The following SORCS3 variants were observed in gnomAD, a reference collection of about 807,000 sequenced individuals.
The protein encoded by SORCS3 is VPS10 domain-containing receptor SorCS3.
Under a neutral mutation model 146.3 loss-of-function variants are expected in SORCS3, and 57 were observed. That is an observed-to-expected ratio of 0.39 (90% CI 0.31 to 0.49). The LOEUF is 0.49. SORCS3 is among the 20% of genes least tolerant of loss of function. The probability of loss-of-function intolerance (pLI) is 0.92; values close to 1 mark genes in which losing one functional copy is unlikely to be tolerated. For missense variants in SORCS3, 1,341 were observed against 1,575.5 expected (o/e 0.85, Z 2.52); for synonymous variants, 653 against 618.5 (o/e 1.06, Z -0.83).
At chr10:104,973,808 T>C (rs576638543) in intron 3 of SORCS3, among the ~76,000 whole-genome samples, 44 of 146,486 alleles carry the variant, frequency 3.0e-4, no homozygotes, top group South Asian at 2.1e-4. Flanking sequence ...TTTTGGATCT[T>C]TCCTGCTTTC....
At chr10:105,002,373 T>G (rs1474732555) in intron 4 of SORCS3, among the ~76,000 whole-genome samples, 1 of 152,202 alleles carries the variant, frequency 6.6e-6, no homozygotes, top group Non-Finnish European at 1.5e-5. Flanking sequence ...TAACCTTTTA[T>G]TGAAGACTGA....
chr10:105,118,452 C>CT (rs1290597824), intron 7 of SORCS3, among the ~76,000 whole-genome samples: 1 of 152,060 alleles, frequency 6.6e-6, no homozygotes, highest in African/African-American at 2.4e-5. Context: ...TGAGAACAGA[C>CT]TAATATAGTA....
chr10:105,100,044 G>A (rs1044087603), intron 6 of SORCS3, among the ~76,000 whole-genome samples: 4 of 152,294 alleles, frequency 2.6e-5, no homozygotes, highest in South Asian at 2.1e-4. Context: ...TTGGTCCCAC[G>A]TCTGTATGGT....
At chr10:104,978,104 T>A (rs1216308382) in intron 4 of SORCS3, among the ~76,000 whole-genome samples, 1 of 152,218 alleles carries the variant, frequency 6.6e-6, no homozygotes. Flanking sequence ...AAGTAGGACA[T>A]ACATAATATT....
chr10:104,784,642 G>C (rs1378178212), intron 1 of SORCS3, among the ~76,000 whole-genome samples: 1 of 152,230 alleles, frequency 6.6e-6, no homozygotes, highest in Non-Finnish European at 1.5e-5. Flanking sequence ...TGACTCTGCA[G>C]GATGTGGGCT....
chr10:105,135,559 C>A (rs190859886), intron 7 of SORCS3, among the ~76,000 whole-genome samples: 1 of 152,262 alleles, frequency 6.6e-6, no homozygotes, highest in East Asian at 1.9e-4. Flanking sequence ...TGAGAATTTT[C>A]CAAATCTTTA....
At chr10:104,673,680 G>A (rs78911933) in intron 1 of SORCS3, among the ~76,000 whole-genome samples, 13,817 of 152,046 alleles carry the variant, frequency 0.091, 780 homozygotes, top group Non-Finnish European at 0.13. Context: ...TCAAATTCCT[G>A]GGCTCAAGCA....
chr10:105,038,653 C>T lies in SORCS3; in HGVS notation c.955-4402C>T, dbSNP rs181613239. 3.1e-3 allele frequency among the ~76,000 whole-genome samples: 473 copies of T among 152,034 alleles called. 3 individuals are homozygous for T. Among genetic ancestry groups the T allele is most frequent in the African/African-American group, 0.011 (445 of 41,482 alleles). On this transcript the variant is annotated intron_variant, in intron 4 of 26. Coordinates refer to ENST00000369701, the MANE Select transcript of SORCS3 (RefSeq NM_014978.3). ...AAACTTCAAAAATATATAAATTACC[C>T]GTAATCTCACAATTCAGAGGCGACC... is the stretch of plus-strand genomic sequence containing the variant.
At chr10:105,003,801 G>A (rs1446255751) in intron 4 of SORCS3, among the ~76,000 whole-genome samples, 1 of 152,008 alleles carries the variant, frequency 6.6e-6, no homozygotes, top group African/African-American at 2.4e-5. Flanking sequence ...CTTTGAAAAT[G>A]TTTATGCCAA....
At position 104,879,627 on chromosome 10, in the gene SORCS3, C is replaced by A. The variant is rs142558014; in HGVS notation, c.696-36206C>A. Among the ~76,000 whole-genome samples, 636 of 152,278 alleles carry A rather than the reference C, an allele frequency of 4.2e-3. 2 individuals are homozygous for A. Among genetic ancestry groups the A allele is most frequent in the Non-Finnish European group, 7.5e-3 (508 of 68,014 alleles). On this transcript the variant is annotated intron_variant, in intron 2 of 26. Coordinates refer to ENST00000369701, the MANE Select transcript of SORCS3 (RefSeq NM_014978.3). ...TAATGAAAAAGATGGTGGGGCTAGTCATTATGAGCCCATTGACTGCCTTTG... is the reference window on the plus strand; with the variant it reads ...TAATGAAAAAGATGGTGGGGCTAGTAATTATGAGCCCATTGACTGCCTTTG...
At chr10:105,066,387 G>A (rs1248954315) in intron 5 of SORCS3, among the ~76,000 whole-genome samples, 3 of 152,142 alleles carry the variant, frequency 2.0e-5, no homozygotes, top group Non-Finnish European at 4.4e-5. Flanking sequence ...AAAGATCTGG[G>A]TTTAGAGGTT....
chr10:104,964,508 T>C (rs1213829615), intron 3 of SORCS3, among the ~76,000 whole-genome samples: 1 of 152,196 alleles, frequency 6.6e-6, no homozygotes, highest in African/African-American at 2.4e-5. Flanking sequence ...GAATGTAAGC[T>C]CTATGAGGGA....
intron 25 of SORCS3, among the ~76,000 whole-genome samples, chr10:105,258,811 A>G (rs1182146930): frequency 6.6e-6 from 1 of 152,200 alleles, no homozygotes; most frequent in Non-Finnish European, 1.5e-5. Flanking sequence ...TGTCCCTGAC[A>G]GTGAGTCATG....
At chr10:105,130,468 G>T (rs572962648) in intron 7 of SORCS3, among the ~76,000 whole-genome samples, 1 of 152,192 alleles carries the variant, frequency 6.6e-6, no homozygotes, top group Admixed American at 6.5e-5. Flanking sequence ...AGGCAGTGAA[G>T]GGTACAAGAA....
chr10:104,727,358 T>C (rs959252264), intron 1 of SORCS3, among the ~76,000 whole-genome samples: 1 of 152,182 alleles, frequency 6.6e-6, no homozygotes, highest in African/African-American at 2.4e-5. Context: ...ATATCTCTTG[T>C]AAACCCACTA....
chr10:105,206,894 T>TTC lies in SORCS3; in HGVS notation c.2262-4243_2262-4242insTC, dbSNP rs1470026975. On this transcript the variant is annotated intron_variant, in intron 16 of 26. Transcript: ENST00000369701. The stretch of plus-strand genomic sequence containing the variant: ...TGAAGTGGAACAGGGTGCCTGTAGA[T>TTC]CACTAGTACTGGAATCTCAACTGGC... 3.9e-5 allele frequency among the ~76,000 whole-genome samples: 6 copies of TTC among 152,050 alleles called. No homozygotes were observed. In the East Asian group the frequency reaches 1.2e-3, roughly 29 times the overall value.
intron 4 of SORCS3, among the ~76,000 whole-genome samples, chr10:104,987,065 C>T (rs758743950): frequency 9.9e-5 from 15 of 151,666 alleles, no homozygotes; most frequent in East Asian, 1.9e-4. Flanking sequence ...TATGCCTGTA[C>T]GCATTACATA....
At chr10:104,668,053 C>A (rs2015804513) in intron 1 of SORCS3, among the ~76,000 whole-genome samples, 1 of 152,172 alleles carries the variant, frequency 6.6e-6, no homozygotes, top group Non-Finnish European at 1.5e-5. Flanking sequence ...TTAAAGTGGG[C>A]AGGTTGGTCT....
At chr10:104,827,735 C>T (rs2017954394) in intron 1 of SORCS3, among the ~76,000 whole-genome samples, 1 of 152,200 alleles carries the variant, frequency 6.6e-6, no homozygotes, top group Non-Finnish European at 1.5e-5. Context: ...ATGGCATCTT[C>T]TTCCAACAGA....
Sources: gnomAD v4.1 joint callset for allele counts (sites outside exome capture counted in the v4.1 genomes callset) on GRCh38, gnomAD v4.1.1 for gene constraint, MANE v1.5 for transcripts, NCBI Gene and HGNC (gene_info 2026-07-23, HGNC 2026-07-21) for gene names.